Variants in NRXN1 observed in about 807,000 individuals in gnomAD.
NRXN1 encodes neurexin-1.
Under a neutral mutation model 150.9 loss-of-function variants are expected in NRXN1, and 39 were observed. The observed-to-expected ratio is 0.26, with a 90% CI of 0.20 to 0.34. The LOEUF (loss-of-function observed/expected upper bound fraction) is 0.34, where lower values mean the gene tolerates loss of function less well. Among genes scored for constraint, NRXN1 ranks in the 10% least tolerant of loss-of-function variants. The probability of loss-of-function intolerance (pLI) is 1.00; values close to 1 mark genes in which losing one functional copy is unlikely to be tolerated. For missense variants in NRXN1, 1,815 were observed against 1,949.9 expected (o/e 0.93, Z 1.30); for synonymous variants, 924 against 757.0 (o/e 1.22, Z -3.62).
At chr2:50,477,901 T>C (rs1304023341) in intron 15 of NRXN1, among the ~76,000 whole-genome samples, 1 of 152,136 alleles carries the variant, frequency 6.6e-6, no homozygotes, top group Non-Finnish European at 1.5e-5. Context: ...AAAATTTGGG[T>C]GCAGCTTTTT....
intron 5 of NRXN1, among the ~76,000 whole-genome samples, chr2:50,799,711 G>A (rs544166332): frequency 4.6e-5 from 7 of 152,252 alleles, no homozygotes; most frequent in Admixed American, 6.5e-5. Flanking sequence ...CCTAATGTGC[G>A]TGCTCTGATC....
chr2:49,999,265 A>G (rs977272970), intron 21 of NRXN1, among the ~76,000 whole-genome samples: 10 of 152,192 alleles, frequency 6.6e-5, no homozygotes, highest in Admixed American at 5.9e-4. Context: ...CTAAAAATTT[A>G]GAATATGAAT....
intron 5 of NRXN1, among the ~76,000 whole-genome samples, chr2:50,773,460 A>G (rs945980259): frequency 2.0e-5 from 3 of 152,176 alleles, no homozygotes; most frequent in Non-Finnish European, 4.4e-5. Context: ...AAGCTGCCAG[A>G]TAGAAGGCCT....
chr2:50,984,202 C>G (rs1697315871), intron 2 of NRXN1, among the ~76,000 whole-genome samples: 1 of 124,416 alleles, frequency 8.0e-6, no homozygotes, highest in Non-Finnish European at 1.6e-5. Flanking sequence ...CTAGGCTGGT[C>G]TCAAACTCCT....
At chr2:50,270,760 C>A (rs1225551213) in intron 17 of NRXN1, among the ~76,000 whole-genome samples, 1 of 151,734 alleles carries the variant, frequency 6.6e-6, no homozygotes, top group Admixed American at 6.6e-5. Flanking sequence ...ACCTCCACCT[C>A]CCGGGTTCAA....
chr2:50,906,957 C>G (rs1045163775), intron 5 of NRXN1, among the ~76,000 whole-genome samples: 1 of 151,888 alleles, frequency 6.6e-6, no homozygotes, highest in African/African-American at 2.4e-5. Context: ...GGTCTCTGAC[C>G]TTTTCCTGCC....
chr2:50,583,178 G>A (rs1384653637), intron 8 of NRXN1, among the ~76,000 whole-genome samples: 4 of 151,880 alleles, frequency 2.6e-5, no homozygotes, highest in Admixed American at 2.6e-4. Context: ...AGCCTCCCAA[G>A]TAGCTGGGAC....
chr2:50,223,284 T>C (rs541846100), intron 18 of NRXN1, among the ~76,000 whole-genome samples: 1 of 152,136 alleles, frequency 6.6e-6, no homozygotes, highest in African/African-American at 2.4e-5. Context: ...GGTTATAGCA[T>C]GTTCCTCACA....
intron 8 of NRXN1, among the ~76,000 whole-genome samples, chr2:50,613,855 G>A (rs894861390): frequency 2.6e-5 from 4 of 152,064 alleles, no homozygotes; most frequent in Non-Finnish European, 4.4e-5. Context: ...GGAGAATGGC[G>A]TGAACCCAGG....
At chr2:50,317,660 C>T (rs961756391) in intron 17 of NRXN1, among the ~76,000 whole-genome samples, 28 of 151,608 alleles carry the variant, frequency 1.8e-4, no homozygotes, top group African/African-American at 5.6e-4. Flanking sequence ...CAGAAAAAAA[C>T]GTCTAAGATG....
chr2:50,630,341 G>C (rs900248370), intron 5 of NRXN1, among the ~76,000 whole-genome samples: 1 of 151,322 alleles, frequency 6.6e-6, no homozygotes, highest in African/African-American at 2.4e-5. Context: ...TCTACTTTAC[G>C]GGAAAAAAAA....
At position 50,315,916 on chromosome 2, in the gene NRXN1, T is replaced by C. The variant is rs548460855; in HGVS notation, c.3365-78946A>G. Among the ~76,000 whole-genome samples, 65 of 152,108 alleles carry C rather than the reference T, an allele frequency of 4.3e-4. 1 individual carries two copies. Among genetic ancestry groups the C allele is most frequent in the African/African-American group, 1.5e-3 (64 of 41,494 alleles). ...CAAATGGTAAGACAGAAGAATAAAG[T>C]TTAAAGAATTTCGGGAATTCAATCA... is the stretch of plus-strand genomic sequence containing the variant. On this transcript the variant is annotated intron_variant, in intron 17 of 22. Transcript: ENST00000401669.
rs553205058 is a variant in NRXN1 at position 50,401,268 on chromosome 2, C to T, written c.3364+64174G>A. Among the ~76,000 whole-genome samples, 5 of 152,106 alleles carry T rather than the reference C, an allele frequency of 3.3e-5. No homozygotes were observed. The South Asian group carries it at 1.0e-3, about 32-fold the overall frequency. Reference sequence around the variant, plus strand: ...AAATCTATACCTTAAGATGGGAAGGCCTGCTAGTAAAATTACTCTTAATGT... The same window carrying T: ...AAATCTATACCTTAAGATGGGAAGGTCTGCTAGTAAAATTACTCTTAATGT... On this transcript the variant is annotated intron_variant, in intron 17 of 22. Transcript: ENST00000401669.
chr2:50,592,187 G>A (rs937444498), intron 8 of NRXN1, among the ~76,000 whole-genome samples: 1 of 152,188 alleles, frequency 6.6e-6, no homozygotes, highest in East Asian at 1.9e-4. Flanking sequence ...TTTACAGATG[G>A]CGAAATGACA....
chr2:50,418,583 C>T (rs539416259), intron 17 of NRXN1, among the ~76,000 whole-genome samples: 2 of 152,170 alleles, frequency 1.3e-5, no homozygotes, highest in East Asian at 3.9e-4. Flanking sequence ...CATCATTCAA[C>T]AATTATTCTC....
chr2:50,439,709 C>A (rs777234928), intron 17 of NRXN1, among the ~76,000 whole-genome samples: 3 of 150,966 alleles, frequency 2.0e-5, no homozygotes, highest in Non-Finnish European at 2.9e-5. Flanking sequence ...CCCAGCTACT[C>A]GGGAGGCTGA....
rs558430252 is a variant in NRXN1, at chr2:50,802,494, G to C, written c.832+119375C>G. 4.0e-5 allele frequency among the ~76,000 whole-genome samples: 5 copies of C among 126,238 alleles called. No homozygotes were observed. The East Asian group carries it at 9.2e-4, about 23-fold the overall frequency. 82.8% of individuals were successfully genotyped at this position (126,238 alleles called of 152,430 possible). On this transcript the variant is annotated intron_variant, in intron 5 of 22. Transcript: ENST00000401669. ...GCAACAAGAGTGAATCTCTGAGAAA[G>C]AGAAATGGAAGGAAGGAAGGAAGGA...
At chr2:50,441,637 G>A (rs962843356) in intron 17 of NRXN1, among the ~76,000 whole-genome samples, 7 of 152,084 alleles carry the variant, frequency 4.6e-5, no homozygotes, top group Admixed American at 2.6e-4. Flanking sequence ...ACAACAAATC[G>A]TCTGTATAAC....
chr2:49,974,171 T>C, intron 21 of NRXN1: 1 of 710,884 alleles, frequency 1.4e-6, no homozygotes, highest in Non-Finnish European at 2.6e-6. Flanking sequence ...ATCAGTGCCC[T>C]GCACACAGAT....
Sources: allele counts gnomAD v4.1 joint callset (sites outside exome capture counted in the v4.1 genomes callset), GRCh38; gene constraint gnomAD v4.1.1; transcripts MANE v1.5; gene names NCBI Gene and HGNC (gene_info 2026-07-23, HGNC 2026-07-21).